The following GPM6A variants were observed in gnomAD, a reference collection of about 807,000 sequenced individuals.
GPM6A encodes glycoprotein M6A.
In GPM6A, 7 loss-of-function variants were observed where a neutral mutation model predicts 32.1. That is an observed-to-expected ratio of 0.22 (90% CI 0.12 to 0.41). GPM6A has a LOEUF of 0.41. Ranked by LOEUF, GPM6A falls within the 10% of genes least tolerant of loss-of-function variation. The pLI is 1.00. For synonymous variants in GPM6A, 130 were observed against 123.4 expected (o/e 1.05, Z -0.35); for missense variants, 235 against 347.2 (o/e 0.68, Z 2.57).
In GPM6A at chr4:175,777,284, T is replaced by C. The variant is rs550164172; in HGVS notation, c.37+34907A>G. The stretch of plus-strand genomic sequence containing the variant: ...AATAAAGATCATAGGTTTTATTTAC[T>C]GTCTTCATGAAAAATAGCACTCAGC... On this transcript the variant is annotated intron_variant, in intron 1 of 6. Transcript: ENST00000393658. 5.3e-5 allele frequency among the ~76,000 whole-genome samples: 8 copies of C among 152,270 alleles called. No homozygotes were observed. The East Asian group carries it at 1.3e-3, about 26-fold the overall frequency.
chr4:175,701,553 A>G (rs767339992), intron 2 of GPM6A, 22 bp downstream of exon 2: 56 of 1,567,274 alleles, frequency 3.6e-5, no homozygotes, highest in Non-Finnish European at 4.7e-5. Context: ...GGAAAATAAC[A>G]AGAAATACTA....
intron 1 of GPM6A, among the ~76,000 whole-genome samples, chr4:175,796,350 A>T (rs1266679128): frequency 6.6e-6 from 1 of 152,232 alleles, no homozygotes; most frequent in Non-Finnish European, 1.5e-5. Context: ...CTTAAAGATG[A>T]ATAAAAATCT....
At chr4:175,723,378 T>C (rs1746242563) in intron 1 of GPM6A, among the ~76,000 whole-genome samples, 1 of 152,228 alleles carries the variant, frequency 6.6e-6, no homozygotes, top group Admixed American at 6.5e-5. Context: ...TCTCCCTATT[T>C]TCTCAGCATT....
chr4:175,898,482 T>C (rs989498058), intron 1 of GPM6A, among the ~76,000 whole-genome samples: 3 of 152,154 alleles, frequency 2.0e-5, no homozygotes, highest in Admixed American at 2.0e-4. Flanking sequence ...TTGATACCCA[T>C]GTAGATTCAG....
intron 1 of GPM6A, among the ~76,000 whole-genome samples, chr4:175,773,808 C>A (rs1268214388): frequency 6.6e-6 from 1 of 152,018 alleles, no homozygotes; most frequent in Non-Finnish European, 1.5e-5. Flanking sequence ...AAAAGGCTTG[C>A]CCGAGCTCTC....
At chr4:175,941,318 G>T (rs1174747908) in intron 1 of GPM6A, among the ~76,000 whole-genome samples, 2 of 152,120 alleles carry the variant, frequency 1.3e-5, no homozygotes, top group Non-Finnish European at 2.9e-5. Context: ...CGTCTCATTT[G>T]TAATAAGCCT....
At chr4:175,953,706 C>A (rs966762054) in intron 1 of GPM6A, among the ~76,000 whole-genome samples, 3 of 152,022 alleles carry the variant, frequency 2.0e-5, no homozygotes, top group African/African-American at 7.2e-5. Context: ...TCGAGACCAG[C>A]CTGACCAACA....
At chr4:175,823,462 G>A (rs562656557) in intron 1 of GPM6A, among the ~76,000 whole-genome samples, 18 of 152,304 alleles carry the variant, frequency 1.2e-4, no homozygotes, top group Admixed American at 9.8e-4. Flanking sequence ...AAGTGCAAGA[G>A]AGAAAGAAAA....
chr4:175,989,398 G>A (rs1040879151), intron 1 of GPM6A, among the ~76,000 whole-genome samples: 1 of 152,090 alleles, frequency 6.6e-6, no homozygotes, highest in Non-Finnish European at 1.5e-5. Flanking sequence ...GGAAGACATG[G>A]AAGAGAGCCC....
chr4:175,866,574 C>T (rs769321578), intron 1 of GPM6A, among the ~76,000 whole-genome samples: 2 of 151,992 alleles, frequency 1.3e-5, no homozygotes, highest in Non-Finnish European at 2.9e-5. Context: ...AAGGATTCCC[C>T]GTGTTTTTGC....
chr4:175,940,520 T>C (rs1256490713), intron 1 of GPM6A, among the ~76,000 whole-genome samples: 1 of 152,192 alleles, frequency 6.6e-6, no homozygotes, highest in Non-Finnish European at 1.5e-5. Context: ...AATTTGTTGA[T>C]ATTTCATTTA....
chr4:175,929,894 A>T (rs17611770), intron 1 of GPM6A, among the ~76,000 whole-genome samples: 28,231 of 152,064 alleles, frequency 0.19, 2,774 homozygotes, highest in Non-Finnish European at 0.21. Flanking sequence ...AAGAAATATG[A>T]TCTCTCAGAT....
At chr4:175,784,176 C>T (rs548011444) in intron 1 of GPM6A, among the ~76,000 whole-genome samples, 3 of 152,118 alleles carry the variant, frequency 2.0e-5, no homozygotes, top group South Asian at 4.1e-4. Flanking sequence ...TCCTAGTCTT[C>T]CCCCAAATCT....
At chr4:175,830,829 T>C (rs1735588222) in intron 1 of GPM6A, among the ~76,000 whole-genome samples, 1 of 152,088 alleles carries the variant, frequency 6.6e-6, no homozygotes, top group Non-Finnish European at 1.5e-5. Context: ...TTCATATTGA[T>C]TTGTTCGTTT....
chr4:175,911,570 G>A (rs1738320549), intron 1 of GPM6A, among the ~76,000 whole-genome samples: 2 of 152,110 alleles, frequency 1.3e-5, no homozygotes, highest in African/African-American at 4.8e-5. Flanking sequence ...ATTGACGGAG[G>A]AACAATAAAG....
intron 6 of GPM6A, among the ~76,000 whole-genome samples, chr4:175,638,979 C>A (rs1414746031): frequency 6.6e-6 from 1 of 152,052 alleles, no homozygotes; most frequent in Non-Finnish European, 1.5e-5. Context: ...TTTTGATCCC[C>A]CCAATTAATC....
At chr4:175,810,044 T>G (rs1734853436) in intron 1 of GPM6A, among the ~76,000 whole-genome samples, 1 of 152,142 alleles carries the variant, frequency 6.6e-6, no homozygotes, top group African/African-American at 2.4e-5. Flanking sequence ...CCTATGCAGT[T>G]TAAGAAAAAC....
At chr4:175,787,631 G>T in intron 1 of GPM6A, 1 of 1,283,918 alleles carries the variant, frequency 7.8e-7, no homozygotes, top group East Asian at 3.3e-5. Flanking sequence ...GTATCTAATT[G>T]CTTTACTGAC....
intron 2 of GPM6A, among the ~76,000 whole-genome samples, chr4:175,685,007 C>T: frequency 6.6e-6 from 1 of 152,082 alleles, no homozygotes; most frequent in Admixed American, 6.6e-5. Flanking sequence ...CCTGTCTCAG[C>T]CTCCCGAGTA....
Sources: allele counts gnomAD v4.1 joint callset (sites outside exome capture counted in the v4.1 genomes callset), GRCh38; gene constraint gnomAD v4.1.1; transcripts MANE v1.5; gene names NCBI Gene and HGNC (gene_info 2026-07-23, HGNC 2026-07-21).